ATF7: variants seen among roughly 807,000 people sequenced by gnomAD.
ATF7 encodes cyclic AMP-dependent transcription factor ATF-7.
A neutral mutation model predicts 50.4 loss-of-function variants in ATF7; 10 were observed. That is an observed-to-expected ratio of 0.20 (90% CI 0.12 to 0.34). ATF7 has a LOEUF of 0.34. Among genes scored for constraint, ATF7 ranks in the 10% least tolerant of loss-of-function variants. The pLI, the probability that ATF7 is intolerant of heterozygous loss-of-function variation, is 1.00. For missense variants in ATF7, 465 were observed against 613.9 expected (o/e 0.76, Z 2.56); for synonymous variants, 201 against 226.4 (o/e 0.89, Z 1.01).
At chr12:53,620,715 C>G (rs903525178) in intron 1 of ATF7, among the ~76,000 whole-genome samples, 1 of 151,340 alleles carries the variant, frequency 6.6e-6, no homozygotes, top group African/African-American at 2.4e-5. Flanking sequence ...TGCCACTGCA[C>G]TCTAGCCTGG....
intron 2 of ATF7, among the ~76,000 whole-genome samples, chr12:53,590,999 A>T (rs1356194026): frequency 6.6e-6 from 1 of 152,186 alleles, no homozygotes; most frequent in Non-Finnish European, 1.5e-5. Context: ...TAGGCAGTGA[A>T]CACTAATGAA....
In ATF7 at chr12:53,607,176, C is replaced by T. The variant is rs1230998407; in HGVS notation, c.-21-6155G>A. On this transcript the variant is annotated intron_variant, in intron 1 of 11. Transcript: ENST00000420353. The stretch of plus-strand genomic sequence containing the variant: ...ATGGTTGAACTAGTTTACAGTCCCA[C>T]CAACAGTGTAAAAGTGTTCCTATTT... Among the ~76,000 whole-genome samples, 5 of 152,140 alleles carry T rather than the reference C, an allele frequency of 3.3e-5. No individual in the cohort carries two copies. In the East Asian group the frequency reaches 9.6e-4, roughly 29 times the overall value.
intron 2 of ATF7, among the ~76,000 whole-genome samples, chr12:53,598,515 C>T (rs982348449): frequency 6.6e-6 from 1 of 152,122 alleles, no homozygotes; most frequent in Non-Finnish European, 1.5e-5. Context: ...AATTCAGAAA[C>T]AGGAGACAGA....
chr12:53,609,821 C>CTTTTTTTTTTTTTTTT (rs757421100), intron 1 of ATF7, among the ~76,000 whole-genome samples: 7 of 115,940 alleles, frequency 6.0e-5, no homozygotes, highest in East Asian at 7.1e-4. Flanking sequence ...AAATGTTATG[C>CTTTTTTTTTTTTTTTT]TTTTTTTTTT....
At chr12:53,551,206 C>T (rs1940331380) in intron 3 of ATF7, among the ~76,000 whole-genome samples, 1 of 151,972 alleles carries the variant, frequency 6.6e-6, no homozygotes, top group East Asian at 1.9e-4. Context: ...GTAGTCTAGG[C>T]TAGAGTGCAG....
At chr12:53,618,798 T>G (rs1226805527) in intron 1 of ATF7, among the ~76,000 whole-genome samples, 1 of 152,152 alleles carries the variant, frequency 6.6e-6, no homozygotes, top group Non-Finnish European at 1.5e-5. Context: ...TTGCCTGTAA[T>G]CCCAGCACTT....
chr12:53,556,475 T>A (rs189929396), intron 2 of ATF7, among the ~76,000 whole-genome samples: 16 of 152,284 alleles, frequency 1.1e-4, no homozygotes, highest in Non-Finnish European at 1.5e-4. Context: ...TTACTGAAGC[T>A]TTCTGTCAAA....
chr12:53,609,977 C>T (rs904887781), intron 1 of ATF7, among the ~76,000 whole-genome samples: 10 of 151,568 alleles, frequency 6.6e-5, no homozygotes, highest in African/African-American at 9.7e-5. Context: ...CCACCACGCC[C>T]GGCTAATTTT....
chr12:53,614,099 T>C (rs192754982), intron 1 of ATF7, among the ~76,000 whole-genome samples: 4 of 152,238 alleles, frequency 2.6e-5, no homozygotes, highest in African/African-American at 9.6e-5. Flanking sequence ...TAGCCAAAGC[T>C]TAGGAACCTA....
intron 1 of ATF7, among the ~76,000 whole-genome samples, chr12:53,623,203 A>C (rs1291321448): frequency 6.6e-6 from 1 of 152,160 alleles, no homozygotes; most frequent in Non-Finnish European, 1.5e-5. Flanking sequence ...TTCTCCTTAG[A>C]GTATTCAAAA....
At chr12:53,617,889 C>CAAAAA in intron 1 of ATF7, among the ~76,000 whole-genome samples, 1 of 120,062 alleles carries the variant, frequency 8.3e-6, no homozygotes, top group Non-Finnish European at 1.8e-5. Context: ...TACAGAAGAC[C>CAAAAA]AAAAAAAAAA....
intron 8 of ATF7, 66 bp from the exon 9 acceptor site, chr12:53,531,962 C>A: frequency 6.4e-7 from 1 of 1,565,606 alleles, no homozygotes; most frequent in Non-Finnish European, 8.7e-7. Flanking sequence ...AGAAGAGTGG[C>A]CTTAGATTTT....
Position 53,531,828 on chromosome 12 carries a change from A to G in ATF7, c.843T>C (p.Thr281=). The change falls in exon 9 of 12, where the codon ACT becomes ACC. Residue 281 remains threonine, a synonymous_variant. Coordinates refer to ENST00000420353, the MANE Select transcript of ATF7 (RefSeq NM_006856.3). The part of the protein sequence containing the change: ...INGGCGMVVG[T]ASTMVTARPE... ...GGCGGGCTGTCACCATGGTGCTGGC[A>G]GTACCCACCACCATTCCACAACCAC... 1 of 1,613,482 alleles carries G rather than the reference A, an allele frequency of 6.2e-7. No homozygotes were observed. The highest frequency in any genetic ancestry group is 8.5e-7 in the Non-Finnish European group (1 of 1,179,780).
At chr12:53,554,721 G>C (rs1440111834) in intron 2 of ATF7, among the ~76,000 whole-genome samples, 2 of 151,354 alleles carry the variant, frequency 1.3e-5, no homozygotes, top group Non-Finnish European at 2.9e-5. Context: ...AAATTAGCTG[G>C]GCATGGTGGC....
intron 2 of ATF7, among the ~76,000 whole-genome samples, chr12:53,578,208 A>G (rs563180027): frequency 6.6e-6 from 1 of 152,110 alleles, no homozygotes; most frequent in East Asian, 1.9e-4. Flanking sequence ...TCTCATCTCA[A>G]TGAAAAATAA....
chr12:53,549,933 G>A (rs1462784448), intron 3 of ATF7, among the ~76,000 whole-genome samples: 1 of 152,094 alleles, frequency 6.6e-6, no homozygotes, highest in Non-Finnish European at 1.5e-5. Flanking sequence ...AGTGAGACTG[G>A]TCTCGAACTC....
chr12:53,520,557 C>T (rs1359502223), intron 11 of ATF7, among the ~76,000 whole-genome samples: 1 of 152,124 alleles, frequency 6.6e-6, no homozygotes, highest in Admixed American at 6.6e-5. Flanking sequence ...AAAACCAAAA[C>T]TAGCTATATG....
chr12:53,606,555 T>G (rs1351587631), intron 1 of ATF7, among the ~76,000 whole-genome samples: 1 of 150,850 alleles, frequency 6.6e-6, no homozygotes, highest in Non-Finnish European at 1.5e-5. Context: ...GCCTGGCACG[T>G]TTTTTTTTAA....
At chr12:53,585,129 C>T (rs1278757384) in intron 2 of ATF7, among the ~76,000 whole-genome samples, 1 of 152,064 alleles carries the variant, frequency 6.6e-6, no homozygotes, top group Non-Finnish European at 1.5e-5. Context: ...CACATTACCA[C>T]ACCTGGCTAA....
Sources: gnomAD v4.1 joint callset for allele counts (sites outside exome capture counted in the v4.1 genomes callset) on GRCh38, gnomAD v4.1.1 for gene constraint, MANE v1.5 for transcripts, NCBI Gene and HGNC (gene_info 2026-07-23, HGNC 2026-07-21) for gene names.